The following NOS1 variants were observed in gnomAD, a reference collection of about 807,000 sequenced individuals.
NOS1 encodes nitric oxide synthase 1, also known as NOS type I.
NOS1 carries 51 observed loss-of-function variants against 164.5 expected under a neutral mutation model. That is an observed-to-expected ratio of 0.31 (90% confidence interval 0.25 to 0.39). The LOEUF (loss-of-function observed/expected upper bound fraction) is 0.39. NOS1 is among the 10% of genes least tolerant of loss of function. NOS1 has a pLI of 1.00. For synonymous variants in NOS1, 719 were observed against 745.8 expected (o/e 0.96, Z 0.59); for missense variants, 1,362 against 1,885.6 (o/e 0.72, Z 5.14).
At chr12:117,321,064 C>T (rs1338192977) in intron 2 of NOS1, among the ~76,000 whole-genome samples, 2 of 152,300 alleles carry the variant, frequency 1.3e-5, no homozygotes, top group East Asian at 3.9e-4. Flanking sequence ...GGCTGGAGTG[C>T]GGTGGCACGG....
chr12:117,336,339 T>C (rs1274175329), intron 1 of NOS1, among the ~76,000 whole-genome samples: 1 of 152,184 alleles, frequency 6.6e-6, no homozygotes, highest in African/African-American at 2.4e-5. Context: ...CTAGTCTAGC[T>C]TCCTCATGCA....
intron 5 of NOS1, 45 bp downstream of exon 5, chr12:117,288,029 A>G (rs773511708): frequency 6.2e-7 from 1 of 1,609,866 alleles, no homozygotes; most frequent in Non-Finnish European, 8.5e-7. Context: ...TCTCTCCAGC[A>G]TTCGATAACT....
intron 2 of NOS1, among the ~76,000 whole-genome samples, chr12:117,320,329 A>G (rs959115741): frequency 6.6e-6 from 1 of 152,114 alleles, no homozygotes; most frequent in Non-Finnish European, 1.5e-5. Flanking sequence ...CTACAGAGGG[A>G]GCTCTGACTA....
At chr12:117,225,717 C>T (rs112311030) in intron 24 of NOS1, among the ~76,000 whole-genome samples, 13 of 152,080 alleles carry the variant, frequency 8.5e-5, no homozygotes, top group African/African-American at 2.9e-4. Context: ...ACTCCACTTC[C>T]CAGGTTCAAG....
chr12:117,328,687 C>T (rs1875378401), intron 2 of NOS1, among the ~76,000 whole-genome samples: 1 of 152,216 alleles, frequency 6.6e-6, no homozygotes, highest in African/African-American at 2.4e-5. Context: ...GCCTCAGCCG[C>T]CTGAGTAGCT....
intron 24 of NOS1, among the ~76,000 whole-genome samples, chr12:117,226,018 G>A (rs1169779442): frequency 6.6e-6 from 1 of 152,180 alleles, no homozygotes; most frequent in Non-Finnish European, 1.5e-5. Context: ...GATGTTCAAG[G>A]TGCAGATTCC....
chr12:117,239,935 G>A (rs762086566), intron 20 of NOS1, among the ~76,000 whole-genome samples: 2 of 151,158 alleles, frequency 1.3e-5, no homozygotes, highest in Non-Finnish European at 2.9e-5. Context: ...TTTTAGACCC[G>A]TAGCTTAGAG....
intron 17 of NOS1, among the ~76,000 whole-genome samples, chr12:117,249,284 G>A (rs901805017): frequency 1.3e-5 from 2 of 152,084 alleles, no homozygotes; most frequent in African/African-American, 4.8e-5. Context: ...GGCTCTCAAG[G>A]GTTTCTCTTC....
At chr12:117,218,290 T>C in intron 27 of NOS1, 126 bp from the exon 28 acceptor site, 1 of 743,410 alleles carries the variant, frequency 1.3e-6, no homozygotes, top group Non-Finnish European at 2.4e-6. Context: ...GAGATGAGGC[T>C]GAAGCCAGTG....
In NOS1 at chr12:117,216,409, C is replaced by T. The variant is rs369684070; in HGVS notation, c.4290-1085G>A. 5.3e-5 allele frequency among the ~76,000 whole-genome samples: 8 copies of T among 151,778 alleles called. No individual in the cohort carries two copies. The East Asian group carries it at 1.4e-3, about 26-fold the overall frequency. On this transcript the variant is annotated intron_variant, in intron 28 of 28. Coordinates refer to ENST00000317775, the MANE Select transcript of NOS1 (RefSeq NM_000620.5). The stretch of plus-strand genomic sequence containing the variant: ...GTGTTAGCCAGGATGGTCTTGATCT[C>T]CTGACCTCATGATCCACCGGCCTCA...
chr12:117,261,745 G>A (rs1315903315), intron 13 of NOS1, among the ~76,000 whole-genome samples: 1 of 152,164 alleles, frequency 6.6e-6, no homozygotes, highest in Admixed American at 6.6e-5. Context: ...TTGAGGCCAA[G>A]GGTTTGAAAC....
Position 117,213,705 on chromosome 12 carries a change from A to T in NOS1, c.*1604T>A, listed in dbSNP as rs1018283653. On this transcript the variant is annotated 3_prime_UTR_variant, in exon 29 of 29. Coordinates refer to ENST00000317775, the MANE Select transcript of NOS1 (RefSeq NM_000620.5). The stretch of plus-strand genomic sequence containing the variant: ...TATAAAAGAAATGTGGTTTTTCTGT[A>T]TAGCAAGACACAACAAACAGGGTAG... 1.0e-6 allele frequency: 1 copy of T among 985,322 alleles called. No homozygotes were observed. Among genetic ancestry groups the T allele is most frequent in the East Asian group, 1.1e-4 (1 of 8,826 alleles). The allele number at this position is 985,322 out of a possible 1,614,324, so 61.0% of individuals were successfully genotyped here. A position where few individuals can be genotyped will look rare whatever the true frequency, so the allele number is the denominator to read the frequency against.
intron 3 of NOS1, among the ~76,000 whole-genome samples, chr12:117,308,122 G>C (rs534009907): frequency 6.6e-6 from 1 of 152,154 alleles, no homozygotes; most frequent in South Asian, 2.1e-4. Flanking sequence ...ATAAGAGGGA[G>C]ACAATAGGGA....
At chr12:117,271,684 C>T (rs2135997179) in intron 10 of NOS1, among the ~76,000 whole-genome samples, 1 of 152,324 alleles carries the variant, frequency 6.6e-6, no homozygotes, top group Non-Finnish European at 1.5e-5. Context: ...TTCTCTGTTT[C>T]TCAGTGCCCT....
At chr12:117,338,178 C>T (rs1295458063) in intron 1 of NOS1, among the ~76,000 whole-genome samples, 1 of 152,040 alleles carries the variant, frequency 6.6e-6, no homozygotes. Flanking sequence ...GATTGCGCCA[C>T]TGCACTCCAG....
chr12:117,214,990 A>C lies in NOS1; in HGVS notation c.*319T>G. ...TTTCCAGGGGAACCCCAGAGAAAAA[A>C]ACCCCCACAGCGACGGCCATGTTCC... is the stretch of plus-strand genomic sequence containing the variant. On this transcript the variant is annotated 3_prime_UTR_variant, in exon 29 of 29. Coordinates refer to ENST00000317775, the MANE Select transcript of NOS1 (RefSeq NM_000620.5). 1 of 1,121,916 alleles carries C rather than the reference A, an allele frequency of 8.9e-7. No homozygotes were observed. Among genetic ancestry groups the C allele is most frequent in the Non-Finnish European group, 1.1e-6 (1 of 918,838 alleles). 69.5% of individuals were successfully genotyped at this position (1,121,916 alleles called of 1,614,324 possible).
At position 117,209,958 on chromosome 12, in the gene NOS1, C is replaced by T; in HGVS notation, c.*5351G>A. 1.0e-6 allele frequency: 1 copy of T among 985,448 alleles called. No individual in the cohort carries two copies. Among genetic ancestry groups the T allele is most frequent in the Non-Finnish European group, 1.2e-6 (1 of 830,040 alleles). The allele number at this position is 985,448 out of a possible 1,614,324, so 61.0% of individuals were successfully genotyped here. On this transcript the variant is annotated 3_prime_UTR_variant, in exon 29 of 29. Coordinates refer to ENST00000317775, the MANE Select transcript of NOS1 (RefSeq NM_000620.5). ...CCCTCAGACCTGTGTTTCCTTAATC[C>T]CAGCACCTGGTCTTTCATTTTAATT...
At chr12:117,247,729 G>A (rs1219576557) in intron 17 of NOS1, among the ~76,000 whole-genome samples, 1 of 152,112 alleles carries the variant, frequency 6.6e-6, no homozygotes, top group African/African-American at 2.4e-5. Flanking sequence ...TAGGATTAGT[G>A]TCCTTATAAG....
intron 2 of NOS1, among the ~76,000 whole-genome samples, chr12:117,319,180 T>C (rs542268795): frequency 2.6e-5 from 4 of 152,268 alleles, no homozygotes; most frequent in East Asian, 1.9e-4. Context: ...GTTTCCTGAG[T>C]AGTAGGGATT....
Sources: allele counts gnomAD v4.1 joint callset (sites outside exome capture counted in the v4.1 genomes callset), GRCh38; gene constraint gnomAD v4.1.1; transcripts MANE v1.5; gene names NCBI Gene and HGNC (gene_info 2026-07-23, HGNC 2026-07-21).